DLG2: variants seen among roughly 807,000 people sequenced by gnomAD.
DLG2 encodes the protein disks large homolog 2.
DLG2 carries 45 observed loss-of-function variants against 132.5 expected under a neutral mutation model. The observed-to-expected ratio is 0.34, with a 90% CI of 0.27 to 0.44. The LOEUF (loss-of-function observed/expected upper bound fraction) is 0.44. DLG2 is among the 20% of genes least tolerant of loss of function. DLG2 has a pLI of 1.00. For synonymous variants in DLG2, 424 were observed against 419.6 expected, an observed-to-expected ratio of 1.01 and a Z score of -0.13; for missense variants, 1,045 against 1,196.9, an observed-to-expected ratio of 0.87 and a Z score of 1.87.
chr11:83,946,594 T>C (rs1200824823), intron 14 of DLG2, among the ~76,000 whole-genome samples: 2 of 152,222 alleles, frequency 1.3e-5, no homozygotes, highest in African/African-American at 2.4e-5. Flanking sequence ...TTCGGTACTA[T>C]AGAATACAAA....
intron 5 of DLG2, among the ~76,000 whole-genome samples, chr11:85,129,096 A>C (rs2075434949): frequency 6.6e-6 from 1 of 152,204 alleles, no homozygotes. Context: ...TGCTATTCAC[A>C]CTAAAACATG....
intron 8 of DLG2, among the ~76,000 whole-genome samples, chr11:84,179,158 T>C (rs922926582): frequency 6.6e-6 from 1 of 151,998 alleles, no homozygotes; most frequent in African/African-American, 2.4e-5. Flanking sequence ...AACAGAGAAA[T>C]AGAAATTATA....
intron 4 of DLG2, among the ~76,000 whole-genome samples, chr11:85,179,027 T>C (rs952263982): frequency 1.3e-5 from 2 of 151,830 alleles, no homozygotes; most frequent in African/African-American, 2.4e-5. Flanking sequence ...AGAGGCAGTG[T>C]ACATACATAA....
At chr11:84,412,159 A>C (rs1214808521) in intron 7 of DLG2, among the ~76,000 whole-genome samples, 2 of 152,060 alleles carry the variant, frequency 1.3e-5, no homozygotes, top group Admixed American at 1.3e-4. Context: ...TGATTATGAG[A>C]ATGTGATGAT....
chr11:83,687,407 A>G (rs2080000335), intron 18 of DLG2, among the ~76,000 whole-genome samples: 1 of 152,170 alleles, frequency 6.6e-6, no homozygotes, highest in Non-Finnish European at 1.5e-5. Context: ...AAGTCTATGC[A>G]CAGTGGCGGT....
At chr11:85,007,664 C>CAAAAAAAAAAAAAAAAAAAAAAAAA (rs57188165) in intron 6 of DLG2, among the ~76,000 whole-genome samples, 24 of 88,516 alleles carry the variant, frequency 2.7e-4, no homozygotes, top group Non-Finnish European at 4.2e-4. Flanking sequence ...GACTCCGTCT[C>CAAAAAAAAAAAAAAAAAAAAAAAAA]AAAAAAAAAA....
At chr11:84,366,571 C>A (rs1337297015) in intron 7 of DLG2, among the ~76,000 whole-genome samples, 1 of 152,076 alleles carries the variant, frequency 6.6e-6, no homozygotes, top group Non-Finnish European at 1.5e-5. Context: ...AAACCCATCT[C>A]ACATGCAGAG....
At chr11:83,511,344 C>T (rs78761602) in intron 21 of DLG2, among the ~76,000 whole-genome samples, 283 of 152,270 alleles carry the variant, frequency 1.9e-3, no homozygotes, top group African/African-American at 6.5e-3. Flanking sequence ...TGAGTAAATG[C>T]ACTTGCAGTG....
intron 6 of DLG2, among the ~76,000 whole-genome samples, chr11:84,553,934 T>C (rs1645008474): frequency 6.6e-6 from 1 of 152,232 alleles, no homozygotes; most frequent in African/African-American, 2.4e-5. Context: ...CATGAGGATA[T>C]GATTTGAATG....
intron 6 of DLG2, among the ~76,000 whole-genome samples, chr11:84,924,082 C>G (rs1361870137): frequency 6.6e-6 from 1 of 151,964 alleles, no homozygotes; most frequent in African/African-American, 2.4e-5. Context: ...AAAGCTTCTG[C>G]CCCTATAAGT....
intron 3 of DLG2, among the ~76,000 whole-genome samples, chr11:85,502,149 T>G (rs1409480895): frequency 6.6e-6 from 1 of 152,040 alleles, no homozygotes; most frequent in South Asian, 2.1e-4. Flanking sequence ...ACCATCATTC[T>G]CAGCAAACTA....
Position 84,751,130 on chromosome 11 carries a change from CTT to C in DLG2, c.358-216401_358-216400del, listed in dbSNP as rs1249694121. ...ATTGATGGCAAATACATGTTCGACT[CTT>C]ATATCAAAATTGCATCCTGGAGGGA... On this transcript the variant is annotated intron_variant, in intron 6 of 27. Transcript: ENST00000376104. Among the ~76,000 whole-genome samples, 12 of 152,182 alleles carry C rather than the reference CTT, an allele frequency of 7.9e-5. No individual in the cohort carries two copies. In the East Asian group the frequency reaches 1.6e-3, roughly 20 times the overall value.
intron 3 of DLG2, among the ~76,000 whole-genome samples, chr11:85,298,161 A>C (rs1366067980): frequency 1.3e-5 from 2 of 152,192 alleles, no homozygotes; most frequent in Non-Finnish European, 2.9e-5. Context: ...AGTAAATAAA[A>C]TAAGGATAAT....
chr11:84,352,680 A>G (rs1192883379), intron 7 of DLG2, among the ~76,000 whole-genome samples: 3 of 152,184 alleles, frequency 2.0e-5, no homozygotes, highest in African/African-American at 2.4e-5. Context: ...CCAAGGCACT[A>G]AGATATTTTT....
intron 18 of DLG2, among the ~76,000 whole-genome samples, chr11:83,772,870 G>C (rs1231249329): frequency 6.6e-6 from 1 of 152,058 alleles, no homozygotes; most frequent in Non-Finnish European, 1.5e-5. Context: ...TAATTTAACT[G>C]GCTACTAATA....
intron 5 of DLG2, among the ~76,000 whole-genome samples, chr11:85,118,418 G>C (rs908485424): frequency 6.6e-6 from 1 of 152,050 alleles, no homozygotes; most frequent in Non-Finnish European, 1.5e-5. Context: ...TAGTGCATAA[G>C]AGGATTAAAC....
Position 85,609,517 on chromosome 11 carries a change from C to T in DLG2, c.-92-10729G>A, listed in dbSNP as rs1230996409. On this transcript the variant is annotated intron_variant, in intron 2 of 27. Transcript: ENST00000376104. Reference sequence around the variant, plus strand: ...CCAATCACTCGGTAGGGCTTGTTATCAGTGTGGTTTACAAGGACACTTTAA... The same window carrying T: ...CCAATCACTCGGTAGGGCTTGTTATTAGTGTGGTTTACAAGGACACTTTAA... 4.6e-5 allele frequency among the ~76,000 whole-genome samples: 7 copies of T among 152,156 alleles called. No homozygotes were observed. In the East Asian group the frequency reaches 1.3e-3, roughly 29 times the overall value.
intron 3 of DLG2, among the ~76,000 whole-genome samples, chr11:85,542,969 G>A (rs1477040307): frequency 6.6e-6 from 1 of 152,138 alleles, no homozygotes; most frequent in African/African-American, 2.4e-5. Flanking sequence ...GTTGCTAGGT[G>A]TAGCTATACA....
chr11:83,503,450 T>C lies in DLG2; in HGVS notation c.2194-19222A>G, dbSNP rs560544330. 3.0e-4 allele frequency among the ~76,000 whole-genome samples: 28 copies of C among 94,900 alleles called. 1 individual carries two copies. In the East Asian group the frequency reaches 4.6e-3, roughly 16 times the overall value. 62.3% of individuals were successfully genotyped at this position (94,900 alleles called of 152,430 possible). ...ATAGATCTAATAGGATATATATATT[T>C]ATACACACACACACATATATTATTA... On this transcript the variant is annotated intron_variant, in intron 21 of 27. Coordinates refer to ENST00000376104, the MANE Select transcript of DLG2 (RefSeq NM_001142699.3).
Sources: gnomAD v4.1 joint callset for allele counts (sites outside exome capture counted in the v4.1 genomes callset) on GRCh38, gnomAD v4.1.1 for gene constraint, MANE v1.5 for transcripts, NCBI Gene and HGNC (gene_info 2026-07-23, HGNC 2026-07-21) for gene names.